The following AFG1L variants were observed in gnomAD, a reference collection of about 807,000 sequenced individuals.
The protein encoded by AFG1L is AFG1 like ATPase.
Under a neutral mutation model 62.2 loss-of-function variants are expected in AFG1L, and 53 were observed. That is an observed-to-expected ratio of 0.85 (90% confidence interval 0.68 to 1.07). AFG1L has a LOEUF of 1.07. Ranked by LOEUF, AFG1L falls within the 50% of genes least tolerant of loss-of-function variation. The pLI, the probability that AFG1L is intolerant of heterozygous loss-of-function variation, is 0.00. For synonymous variants in AFG1L, 228 were observed against 210.3 expected, an observed-to-expected ratio of 1.08 and a Z score of -0.73; for missense variants, 555 against 590.5, an observed-to-expected ratio of 0.94 and a Z score of 0.62.
At chr6:108,348,317 A>AT (rs1778949275) in intron 3 of AFG1L, among the ~76,000 whole-genome samples, 1 of 152,210 alleles carries the variant, frequency 6.6e-6, no homozygotes, top group African/African-American at 2.4e-5. Context: ...TGACCTCGTG[A>AT]TCCGCTCTCC....
chr6:108,485,803 C>T (rs1182108842), intron 10 of AFG1L, among the ~76,000 whole-genome samples: 1 of 148,532 alleles, frequency 6.7e-6, no homozygotes, highest in East Asian at 2.0e-4. Context: ...TCCCAAGTAG[C>T]TGGGACTACA....
intron 6 of AFG1L, among the ~76,000 whole-genome samples, chr6:108,378,850 GTTATTATTA>G (rs760891444): frequency 6.6e-6 from 1 of 150,410 alleles, no homozygotes. Flanking sequence ...TAATGTTGTT[GTTATTATTA>G]TTATTATTAT....
At chr6:108,297,128 A>G (rs557406725) in intron 1 of AFG1L, among the ~76,000 whole-genome samples, 1 of 152,196 alleles carries the variant, frequency 6.6e-6, no homozygotes, top group African/African-American at 2.4e-5. Flanking sequence ...TTTTTTTGAG[A>G]TAGAGCCTTG....
chr6:108,357,981 AG>A (rs1329689285), intron 5 of AFG1L, among the ~76,000 whole-genome samples: 3 of 152,230 alleles, frequency 2.0e-5, no homozygotes. Context: ...TTCTGCCTTC[AG>A]TCATAATAAG....
At chr6:108,353,916 A>G (rs557681311) in intron 3 of AFG1L, among the ~76,000 whole-genome samples, 23 of 152,346 alleles carry the variant, frequency 1.5e-4, no homozygotes, top group Non-Finnish European at 8.8e-5. Flanking sequence ...TTCAAATGGC[A>G]TGGGCCCAGT....
At position 108,523,167 on chromosome 6, in the gene AFG1L, G is replaced by C. The variant is rs1261543114; in HGVS notation, c.*742G>C. 2.7e-5 allele frequency: 4 copies of C among 149,550 alleles called. No individual in the cohort carries two copies. Among genetic ancestry groups the C allele is most frequent in the Non-Finnish European group, 5.9e-5 (4 of 67,532 alleles). 9.3% of individuals were successfully genotyped at this position (149,550 alleles called of 1,614,324 possible). ...GCCAGGAATGGGGACCAGTGAGAGA[G>C]TGTGGGCGGGGGGGTGGGTGTCAGA... On this transcript the variant is annotated 3_prime_UTR_variant, in exon 13 of 13. Transcript: ENST00000368977.
intron 7 of AFG1L, among the ~76,000 whole-genome samples, chr6:108,429,697 T>C (rs1770987092): frequency 6.6e-6 from 1 of 152,284 alleles, no homozygotes; most frequent in East Asian, 1.9e-4. Flanking sequence ...ATAATTTGAA[T>C]CTGAGTAATG....
chr6:108,387,024 A>G (rs1036908728), intron 6 of AFG1L, among the ~76,000 whole-genome samples: 1 of 152,284 alleles, frequency 6.6e-6, no homozygotes, highest in African/African-American at 2.4e-5. Context: ...TTAAATGTTA[A>G]TGAACATTCC....
At chr6:108,344,753 T>C (rs77498340) in intron 2 of AFG1L, 5,608 of 471,126 alleles carry the variant, frequency 0.012, 260 homozygotes, top group African/African-American at 0.1. Context: ...CTCCACCCTG[T>C]CATACCTTGT....
At chr6:108,474,134 G>A (rs947393545) in intron 8 of AFG1L, among the ~76,000 whole-genome samples, 7 of 152,166 alleles carry the variant, frequency 4.6e-5, no homozygotes, top group Non-Finnish European at 8.8e-5. Flanking sequence ...AACATGTAGT[G>A]TTTGGTTTTC....
intron 7 of AFG1L, among the ~76,000 whole-genome samples, chr6:108,433,973 A>G (rs931460574): frequency 3.3e-5 from 5 of 152,362 alleles, no homozygotes; most frequent in East Asian, 3.9e-4. Flanking sequence ...AGCCTGCAAC[A>G]TGGCCATCCC....
chr6:108,422,730 C>A (rs1770657985), intron 7 of AFG1L, among the ~76,000 whole-genome samples: 1 of 151,824 alleles, frequency 6.6e-6, no homozygotes, highest in Non-Finnish European at 1.5e-5. Context: ...TAATATTATT[C>A]TTTTAACGTA....
intron 1 of AFG1L, among the ~76,000 whole-genome samples, chr6:108,315,851 C>T (rs1777570032): frequency 6.6e-6 from 1 of 152,080 alleles, no homozygotes; most frequent in Admixed American, 6.5e-5. Flanking sequence ...AGTTTAAGAC[C>T]AGCCTGGGCA....
At chr6:108,384,432 C>T (rs955190427) in intron 6 of AFG1L, among the ~76,000 whole-genome samples, 1 of 152,206 alleles carries the variant, frequency 6.6e-6, no homozygotes, top group African/African-American at 2.4e-5. Flanking sequence ...ATTTGAGTTG[C>T]TGCCCAAGAG....
chr6:108,513,943 T>C (rs1360821200), intron 11 of AFG1L, among the ~76,000 whole-genome samples: 1 of 152,092 alleles, frequency 6.6e-6, no homozygotes, highest in Non-Finnish European at 1.5e-5. Flanking sequence ...GGCAGCAAAA[T>C]TTGCTGTTCA....
At chr6:108,498,536 A>C (rs1376492765) in intron 10 of AFG1L, among the ~76,000 whole-genome samples, 1 of 152,222 alleles carries the variant, frequency 6.6e-6, no homozygotes, top group Non-Finnish European at 1.5e-5. Context: ...TCAAGATCTC[A>C]CACATCAAAA....
intron 6 of AFG1L, among the ~76,000 whole-genome samples, chr6:108,371,464 A>G (rs1225964324): frequency 6.6e-6 from 1 of 152,084 alleles, no homozygotes; most frequent in Non-Finnish European, 1.5e-5. Flanking sequence ...TGCTCACTGC[A>G]TCCTCGACCT....
intron 8 of AFG1L, among the ~76,000 whole-genome samples, chr6:108,450,331 TTTGCATTTCTCTGA>T (rs1412221435): frequency 6.6e-6 from 1 of 152,216 alleles, no homozygotes; most frequent in East Asian, 1.9e-4. Flanking sequence ...GTGGTTTTGA[TTTGCATTTCTCTGA>T]TGGCCAGTGA....
In AFG1L at chr6:108,382,104, G is replaced by C. The variant is rs1398584563; in HGVS notation, c.748+15772G>C. ...CAACCTCTGCCTGCCAGGTTTAAGC[G>C]ATTTTCCTGCCTCAGCCTCCCGAGT... is the stretch of plus-strand genomic sequence containing the variant. On this transcript the variant is annotated intron_variant, in intron 6 of 12. Transcript: ENST00000368977. Among the ~76,000 whole-genome samples, 3 of 150,266 alleles carry C rather than the reference G, an allele frequency of 2.0e-5. No homozygotes were observed. The East Asian group carries it at 5.9e-4, about 30-fold the overall frequency.
Sources: allele counts gnomAD v4.1 joint callset (sites outside exome capture counted in the v4.1 genomes callset), GRCh38; gene constraint gnomAD v4.1.1; transcripts MANE v1.5; gene names NCBI Gene and HGNC (gene_info 2026-07-23, HGNC 2026-07-21).